The following LRFN5 variants were observed in gnomAD, a reference collection of about 807,000 sequenced individuals.
LRFN5 encodes leucine rich repeat and fibronectin type III domain containing 5, also known as leucine-rich repeat and fibronectin type-III domain-containing protein 5.
A neutral mutation model predicts 45.6 loss-of-function variants in LRFN5; 24 were observed. The observed-to-expected ratio is 0.53, with a 90% CI of 0.38 to 0.74. LRFN5 has a LOEUF of 0.74. LRFN5 is among the 30% of genes least tolerant of loss of function. The pLI is 0.00. For missense variants in LRFN5, 776 were observed against 861.5 expected, an observed-to-expected ratio of 0.90 and a Z score of 1.24; for synonymous variants, 340 against 313.8, an observed-to-expected ratio of 1.08 and a Z score of -0.88.
rs181407746 is a variant in LRFN5 at position 41,792,300 on chromosome 14, T to A, written c.-21+25271T>A. 1.3e-5 allele frequency among the ~76,000 whole-genome samples: 2 copies of A among 152,168 alleles called. 1 individual carries two copies. The highest frequency in any genetic ancestry group is 4.8e-5 in the African/African-American group (2 of 41,556). On this transcript the variant is annotated intron_variant, in intron 2 of 5. Transcript: ENST00000298119. ...ACGAAAGGCAAAACAGAACTACTGA[T>A]AAGAGTCTATGTTCAGCTGTGCACG...
At chr14:41,760,144 A>G (rs1232455645) in intron 1 of LRFN5, among the ~76,000 whole-genome samples, 1 of 152,218 alleles carries the variant, frequency 6.6e-6, no homozygotes, top group East Asian at 1.9e-4. Flanking sequence ...ATATGTAGGT[A>G]TACATGAACA....
At chr14:41,819,525 A>G (rs568651001) in intron 2 of LRFN5, among the ~76,000 whole-genome samples, 26 of 152,230 alleles carry the variant, frequency 1.7e-4, no homozygotes, top group Non-Finnish European at 2.6e-4. Context: ...GATAATTTTT[A>G]TAGAAAATAG....
At chr14:41,624,448 AGAAGG>A (rs1345413754) in intron 1 of LRFN5, among the ~76,000 whole-genome samples, 1 of 152,132 alleles carries the variant, frequency 6.6e-6, no homozygotes, top group East Asian at 1.9e-4. Context: ...ACATTAAACT[AGAAGG>A]TTAACAGCGA....
At chr14:41,646,105 T>G (rs1309531831) in intron 1 of LRFN5, among the ~76,000 whole-genome samples, 2 of 152,120 alleles carry the variant, frequency 1.3e-5, no homozygotes, top group Non-Finnish European at 2.9e-5. Flanking sequence ...CAAATATCAT[T>G]TCTTTGTGTT....
At chr14:41,739,509 T>C (rs967159704) in intron 1 of LRFN5, among the ~76,000 whole-genome samples, 14 of 151,312 alleles carry the variant, frequency 9.3e-5, no homozygotes, top group Non-Finnish European at 1.8e-4. Context: ...AAAAAAAATC[T>C]TGAGACAAGG....
intron 1 of LRFN5, among the ~76,000 whole-genome samples, chr14:41,687,108 G>T (rs1362716827): frequency 6.6e-6 from 1 of 152,024 alleles, no homozygotes; most frequent in East Asian, 1.9e-4. Context: ...TCTGACAAAG[G>T]TCTAATATTT....
At chr14:41,736,967 A>C (rs996491842) in intron 1 of LRFN5, among the ~76,000 whole-genome samples, 4 of 152,136 alleles carry the variant, frequency 2.6e-5, no homozygotes, top group African/African-American at 9.7e-5. Flanking sequence ...TCCAAACAAT[A>C]GAAAAAAAAA....
intron 2 of LRFN5, among the ~76,000 whole-genome samples, chr14:41,777,206 T>G: frequency 6.6e-6 from 1 of 151,878 alleles, no homozygotes; most frequent in East Asian, 1.9e-4. Flanking sequence ...CTATTTTAAT[T>G]TTAGGAGTAC....
intron 1 of LRFN5, among the ~76,000 whole-genome samples, chr14:41,630,023 A>T (rs1167091145): frequency 6.6e-6 from 1 of 152,024 alleles, no homozygotes; most frequent in Admixed American, 6.6e-5. Context: ...GCTTCTTTCA[A>T]TTTTTTTATC....
intron 1 of LRFN5, among the ~76,000 whole-genome samples, chr14:41,647,176 T>C (rs1006885052): frequency 1.3e-5 from 2 of 152,182 alleles, no homozygotes; most frequent in Admixed American, 6.5e-5. Flanking sequence ...GATTTTAGTG[T>C]ATTTGGATAA....
At chr14:41,894,432 C>A in intron 4 of LRFN5, 1 of 910,608 alleles carries the variant, frequency 1.1e-6, no homozygotes, top group Non-Finnish European at 1.3e-6. Context: ...TTAATATGAT[C>A]ATTTTTACAA....
chr14:41,775,093 C>CTTTCTTTT (rs1555316712), intron 2 of LRFN5, among the ~76,000 whole-genome samples: 6 of 112,484 alleles, frequency 5.3e-5, no homozygotes, highest in African/African-American at 2.1e-4. Flanking sequence ...TTTTCTTTTT[C>CTTTCTTTT]TTTTTTTTTT....
intron 2 of LRFN5, among the ~76,000 whole-genome samples, chr14:41,788,410 A>G (rs528644976): frequency 1.3e-5 from 2 of 152,176 alleles, no homozygotes; most frequent in East Asian, 3.9e-4. Context: ...TTTTATCTGG[A>G]TATTTACTCC....
At chr14:41,719,509 C>A (rs1326267074) in intron 1 of LRFN5, among the ~76,000 whole-genome samples, 7 of 151,940 alleles carry the variant, frequency 4.6e-5, no homozygotes, top group Non-Finnish European at 8.8e-5. Context: ...ACATAGCAAC[C>A]TTTATTTCTT....
At chr14:41,828,140 T>C (rs75654493) in intron 2 of LRFN5, among the ~76,000 whole-genome samples, 2,381 of 152,112 alleles carry the variant, frequency 0.016, 57 homozygotes, top group African/African-American at 0.053. Flanking sequence ...AAACTTTATG[T>C]CAGTAGAACA....
At chr14:41,825,358 C>G (rs1888258557) in intron 2 of LRFN5, among the ~76,000 whole-genome samples, 4 of 152,244 alleles carry the variant, frequency 2.6e-5, no homozygotes, top group African/African-American at 9.6e-5. Flanking sequence ...GACAGAACCA[C>G]ACTCCTCCCT....
At chr14:41,886,541 G>C in intron 2 of LRFN5, 65 bp from the exon 3 acceptor site, 1 of 1,026,320 alleles carries the variant, frequency 9.7e-7, no homozygotes, top group Non-Finnish European at 1.4e-6. Context: ...TATTATTCTA[G>C]TAGGAATATG....
chr14:41,790,587 T>C (rs1009945385), intron 2 of LRFN5, among the ~76,000 whole-genome samples: 1 of 151,678 alleles, frequency 6.6e-6, no homozygotes, highest in Non-Finnish European at 1.5e-5. Flanking sequence ...GTTTTTTTTT[T>C]TTAAGGGCTG....
At chr14:41,664,367 G>T (rs1177160334) in intron 1 of LRFN5, among the ~76,000 whole-genome samples, 2 of 151,604 alleles carry the variant, frequency 1.3e-5, no homozygotes, top group Admixed American at 6.6e-5. Context: ...CCATCATTTT[G>T]TACATTTTTC....
Sources: allele counts gnomAD v4.1 joint callset (sites outside exome capture counted in the v4.1 genomes callset), GRCh38; gene constraint gnomAD v4.1.1; transcripts MANE v1.5; gene names NCBI Gene and HGNC (gene_info 2026-07-23, HGNC 2026-07-21).